NTAQ1: variants seen among roughly 807,000 people sequenced by gnomAD.
NTAQ1 encodes protein N-terminal glutamine amidohydrolase.
Under a neutral mutation model 28.2 loss-of-function variants are expected in NTAQ1, and 21 were observed. That is an observed-to-expected ratio of 0.74 (90% CI 0.53 to 1.07). The LOEUF (loss-of-function observed/expected upper bound fraction) is 1.07, where lower values mean the gene tolerates loss of function less well. NTAQ1 is among the 50% of genes least tolerant of loss of function. The probability of loss-of-function intolerance (pLI) is 0.00; values close to 1 mark genes in which losing one functional copy is unlikely to be tolerated. For missense variants in NTAQ1, 264 were observed against 256.6 expected (o/e 1.03, Z -0.20); for synonymous variants, 105 against 90.0 (o/e 1.17, Z -0.94).
At chr8:123,440,372 T>C (rs530832076) in intron 5 of NTAQ1, among the ~76,000 whole-genome samples, 1 of 151,380 alleles carries the variant, frequency 6.6e-6, no homozygotes, top group East Asian at 2.0e-4. Context: ...GCCAGGCTGG[T>C]CTCGAACTCC....
chr8:123,469,731 C>T (rs985828048), exon 7 of NTAQ1, among the ~76,000 whole-genome samples: 2 of 152,184 alleles, frequency 1.3e-5, no homozygotes, highest in Non-Finnish European at 2.9e-5. Flanking sequence ...CTAATTCATT[C>T]ACCAAAAGTG....
At chr8:123,453,094 G>A (rs1815551297) in intron 6 of NTAQ1, among the ~76,000 whole-genome samples, 2 of 152,140 alleles carry the variant, frequency 1.3e-5, no homozygotes, top group South Asian at 4.1e-4. Flanking sequence ...CACCGTTCTG[G>A]CACACGCTGT....
intron 2 of NTAQ1, among the ~76,000 whole-genome samples, chr8:123,428,774 GT>G (rs1005608306): frequency 6.6e-6 from 1 of 151,276 alleles, no homozygotes; most frequent in African/African-American, 2.4e-5. Context: ...GCTAATTTTT[GT>G]ATTTTCAGTA....
Position 123,441,380 on chromosome 8 carries a change from G to T in NTAQ1, c.583G>T (p.Glu195Ter). ...ATGGGGCGCCGTCTACACACTATCCGAATTTACACATCGGTTTGGCAGTAA... is the reference window on the plus strand; with the variant it reads ...ATGGGGCGCCGTCTACACACTATCCTAATTTACACATCGGTTTGGCAGTAA... ...VGWGAVYTLS[E>*]FTHRFGSKNC is the part of the protein sequence containing the mutation. Residue 195 changes from glutamate (E) to a stop codon, truncating the protein, a stop_gained, in exon 6 of 6, where the codon GAA becomes TAA. Coordinates refer to ENST00000287387, the MANE Select transcript of NTAQ1 (RefSeq NM_018024.3). LOFTEE classifies it high-confidence loss of function. 1.2e-6 allele frequency: 2 copies of T among 1,611,258 alleles called. No individual in the cohort carries two copies. Among genetic ancestry groups the T allele is most frequent in the Non-Finnish European group, 1.7e-6 (2 of 1,178,536 alleles).
rs151337341 is a variant in NTAQ1, at chr8:123,441,824, A to G, written c.*409A>G. On this transcript the variant is annotated 3_prime_UTR_variant, in exon 6 of 6. Transcript: ENST00000287387. ...ATTGCTCTGTGAATCTCAAATGCCCATAAAAGGTGCCCATAAAATGTTTTC... is the reference window on the plus strand; with the variant it reads ...ATTGCTCTGTGAATCTCAAATGCCCGTAAAAGGTGCCCATAAAATGTTTTC... 380 of 168,320 alleles carry G rather than the reference A, an allele frequency of 2.3e-3. 1 individual carries two copies. Among genetic ancestry groups the G allele is most frequent in the African/African-American group, 8.3e-3 (351 of 42,136 alleles). 10.4% of individuals were successfully genotyped at this position (168,320 alleles called of 1,614,324 possible). A position where few individuals can be genotyped will look rare whatever the true frequency, so the allele number is the denominator to read the frequency against.
chr8:123,428,948 T>A (rs10102308), intron 2 of NTAQ1, among the ~76,000 whole-genome samples: 27,971 of 152,140 alleles, frequency 0.18, 3,003 homozygotes, highest in Non-Finnish European at 0.25. Context: ...GTAGACTTTT[T>A]AAAAATTGCT....
chr8:123,439,871 T>G (rs1814943513), intron 5 of NTAQ1, among the ~76,000 whole-genome samples: 1 of 151,724 alleles, frequency 6.6e-6, no homozygotes, highest in Admixed American at 6.6e-5. Context: ...GGAGAATTGC[T>G]TGAATCTGGG....
At chr8:123,462,953 T>C (rs908206261) in intron 6 of NTAQ1, among the ~76,000 whole-genome samples, 5 of 152,218 alleles carry the variant, frequency 3.3e-5, no homozygotes, top group Non-Finnish European at 7.3e-5. Flanking sequence ...GCTTTCCCAC[T>C]GTGAAGGGCA....
At chr8:123,426,805 C>G (rs566106349) in intron 1 of NTAQ1, among the ~76,000 whole-genome samples, 1 of 151,282 alleles carries the variant, frequency 6.6e-6, no homozygotes, top group East Asian at 2.0e-4. Flanking sequence ...ACTAAAAATA[C>G]AAAAGTTAGC....
intron 6 of NTAQ1, among the ~76,000 whole-genome samples, chr8:123,461,632 A>G (rs1815827284): frequency 6.6e-6 from 1 of 152,210 alleles, no homozygotes; most frequent in Admixed American, 6.5e-5. Flanking sequence ...GCTTTCCTGC[A>G]GGAGTCTGGC....
At chr8:123,469,964 G>A (rs906211348) in exon 7 of NTAQ1, among the ~76,000 whole-genome samples, 10 of 152,182 alleles carry the variant, frequency 6.6e-5, no homozygotes, top group South Asian at 4.1e-4. Flanking sequence ...AAGCCTTAAC[G>A]CCCAATGTGA....
intron 4 of NTAQ1, 100 bp downstream of exon 4, chr8:123,436,701 C>T (rs1377500690): frequency 2.4e-5 from 31 of 1,308,010 alleles, no homozygotes; most frequent in Middle Eastern, 1.9e-4. Context: ...GTAAAGATCT[C>T]GTCTGACATC....
At chr8:123,425,025 A>C (rs1813958619) in intron 1 of NTAQ1, among the ~76,000 whole-genome samples, 1 of 152,202 alleles carries the variant, frequency 6.6e-6, no homozygotes. Context: ...TGGCCTTAGA[A>C]CATTTAGATT....
intron 3 of NTAQ1, among the ~76,000 whole-genome samples, chr8:123,432,124 CAG>C: frequency 6.6e-6 from 1 of 152,288 alleles, no homozygotes; most frequent in East Asian, 1.9e-4. Flanking sequence ...GCTGAGTGAG[CAG>C]AGACACCAGT....
chr8:123,441,422 T>A lies in NTAQ1; in HGVS notation c.*7T>A. ...TGGCAGTAAAAACTGCTGAACTTGGTCTCAAGATGTGGAACTGTGGAGAAA... is the reference window on the plus strand; with the variant it reads ...TGGCAGTAAAAACTGCTGAACTTGGACTCAAGATGTGGAACTGTGGAGAAA... On this transcript the variant is annotated 3_prime_UTR_variant, in exon 6 of 6. Transcript: ENST00000287387. 6.3e-7 allele frequency: 1 copy of A among 1,598,164 alleles called. No individual in the cohort carries two copies. Among genetic ancestry groups the A allele is most frequent in the East Asian group, 2.3e-5 (1 of 43,262 alleles).
chr8:123,451,070 C>T (rs573212208), downstream of NTAQ1, among the ~76,000 whole-genome samples: 9 of 152,290 alleles, frequency 5.9e-5, no homozygotes, highest in East Asian at 1.4e-3. Flanking sequence ...CTGCTTCCCC[C>T]GTTAGGTTTC....
At chr8:123,474,889 A>G (rs1053639834), downstream of NTAQ1, among the ~76,000 whole-genome samples, 4 of 152,210 alleles carry the variant, frequency 2.6e-5, no homozygotes, top group Admixed American at 2.0e-4. Flanking sequence ...CTCTGTCTCA[A>G]AACAAAAACA....
chr8:123,427,177 T>C (rs1402539379), intron 1 of NTAQ1, among the ~76,000 whole-genome samples: 1 of 150,992 alleles, frequency 6.6e-6, no homozygotes, highest in Non-Finnish European at 1.5e-5. Flanking sequence ...TTTGTGTGTT[T>C]ACAGTATATG....
downstream of NTAQ1, among the ~76,000 whole-genome samples, chr8:123,445,407 T>C (rs1218116702): frequency 2.6e-5 from 4 of 152,162 alleles, no homozygotes; most frequent in East Asian, 1.9e-4. Flanking sequence ...TACATATTGA[T>C]TGGAAAATCA....
Sources: gnomAD v4.1 joint callset for allele counts (sites outside exome capture counted in the v4.1 genomes callset) on GRCh38, gnomAD v4.1.1 for gene constraint, MANE v1.5 for transcripts, NCBI Gene and HGNC (gene_info 2026-07-23, HGNC 2026-07-21) for gene names.